SMPDL3A: variants seen among roughly 807,000 people sequenced by gnomAD.
SMPDL3A encodes cyclic GMP-AMP phosphodiesterase SMPDL3A.
In SMPDL3A, 39 loss-of-function variants were observed where a neutral mutation model predicts 38.5. The observed-to-expected ratio is 1.01, with a 90% confidence interval of 0.78 to 1.32. The LOEUF (loss-of-function observed/expected upper bound fraction) is 1.32, where lower values mean the gene tolerates loss of function less well. Ranked by LOEUF, SMPDL3A falls within the 40% of genes most tolerant of loss-of-function variation. The pLI is 0.00. For synonymous variants in SMPDL3A, 180 were observed against 194.3 expected (o/e 0.93, Z 0.61); for missense variants, 502 against 536.2 (o/e 0.94, Z 0.63).
At position 122,809,531 on chromosome 6, in the gene SMPDL3A, T is replaced by G. The variant is rs974248606; in HGVS notation, c.*123T>G. Reference sequence around the variant, plus strand: ...GTAGACTTCCTGTCTTTGCTTTCTTTTTTTTTTTCTTTTTGATGCCTTAAT... The same window carrying G: ...GTAGACTTCCTGTCTTTGCTTTCTTGTTTTTTTTCTTTTTGATGCCTTAAT... On this transcript the variant is annotated 3_prime_UTR_variant, in exon 8 of 8. Coordinates refer to ENST00000368440, the MANE Select transcript of SMPDL3A (RefSeq NM_006714.5). 2.1e-5 allele frequency: 14 copies of G among 672,062 alleles called. No homozygotes were observed. The African/African-American group carries it at 2.5e-4, about 12-fold the overall frequency. The allele number at this position is 672,062 out of a possible 1,614,324, so 41.6% of individuals were successfully genotyped here.
At chr6:122,793,800 G>C (rs1002066380) in intron 1 of SMPDL3A, among the ~76,000 whole-genome samples, 1 of 152,124 alleles carries the variant, frequency 6.6e-6, no homozygotes, top group African/African-American at 2.4e-5. Flanking sequence ...CGTATCAACT[G>C]TTTCACCTTA....
intron 3 of SMPDL3A, among the ~76,000 whole-genome samples, chr6:122,799,449 A>T (rs950877922): frequency 2.6e-5 from 4 of 152,198 alleles, no homozygotes; most frequent in South Asian, 2.1e-4. Context: ...CTCATGTTTA[A>T]AATAGAGAAG....
intron 1 of SMPDL3A, chr6:122,789,856 C>G (rs973278798): frequency 1.0e-6 from 1 of 985,258 alleles, no homozygotes; most frequent in African/African-American, 1.7e-5. Flanking sequence ...AGCAAGAGGC[C>G]CCTAATCGGT....
At position 122,792,728 on chromosome 6, in the gene SMPDL3A, G is replaced by A. The variant is rs116658120; in HGVS notation, c.113-2949G>A. ...GGCTCACTGCAGCCTCAAGCTCCCT[G>A]GCTCAAGAGATCCTTCCTAAGTTTT... On this transcript the variant is annotated intron_variant, in intron 1 of 7. Transcript: ENST00000368440. 1.1e-3 allele frequency among the ~76,000 whole-genome samples: 164 copies of A among 151,022 alleles called. 1 individual carries two copies. The highest frequency in any genetic ancestry group is 3.9e-3 in the African/African-American group (160 of 41,114).
In SMPDL3A at chr6:122,803,803, A is replaced by G; in HGVS notation, c.708A>G (p.Thr236=). 3 of 1,614,082 alleles carry G rather than the reference A, an allele frequency of 1.9e-6. No homozygotes were observed. The highest frequency in any genetic ancestry group is 1.3e-5 in the African/African-American group (1 of 75,046). ...ACCAGTTTGAATGGCTAGAAAGTAC[A>G]TTGAACAACTCTCAGCAGAATAAGG... ...PANQFEWLES[T]LNNSQQNKEK... Residue 236 remains threonine (T), a synonymous_variant, in exon 5 of 8, where the codon ACA becomes ACG. Coordinates refer to ENST00000368440, the MANE Select transcript of SMPDL3A (RefSeq NM_006714.5).
At chr6:122,799,199 C>T (rs750714809) in intron 3 of SMPDL3A, among the ~76,000 whole-genome samples, 22 of 152,098 alleles carry the variant, frequency 1.4e-4, no homozygotes, top group Non-Finnish European at 2.9e-4. Flanking sequence ...CTGTTGCCAC[C>T]CAAGGAAGGG....
rs1780981834 is a variant in SMPDL3A at position 122,789,399 on chromosome 6, G to A, written c.53G>A (p.Arg18His). The change falls in exon 1 of 8, where the codon CGC becomes CAC. Residue 18 changes from arginine (R) to histidine (H), a missense_variant. Physicochemically the swap from Arg to His is conservative, Grantham distance 29 (BLOSUM62 0). Transcript: ENST00000368440. ...TGCCTGCTGACTGCCTGGCACTGCC[G>A]CTCCGGCCTCGGGCTGCCCGTGGCG... ...VCCLLTAWHC[R>H]SGLGLPVAPA... 23 of 1,549,264 alleles carry A rather than the reference G, an allele frequency of 1.5e-5. No individual in the cohort carries two copies. Among genetic ancestry groups the A allele is most frequent in the Non-Finnish European group, 1.8e-5 (21 of 1,146,360 alleles).
At chr6:122,799,823 A>G (rs1036080552) in intron 3 of SMPDL3A, among the ~76,000 whole-genome samples, 43 of 152,208 alleles carry the variant, frequency 2.8e-4, no homozygotes, top group Non-Finnish European at 5.4e-4. Flanking sequence ...TCTCAGAAAT[A>G]GGTCTATTTT....
intron 3 of SMPDL3A, among the ~76,000 whole-genome samples, chr6:122,797,974 C>G (rs1371856321): frequency 6.6e-6 from 1 of 152,134 alleles, no homozygotes; most frequent in Non-Finnish European, 1.5e-5. Flanking sequence ...AAACCAACAT[C>G]CTTTTGCACA....
At chr6:122,795,191 G>C (rs940191518) in intron 1 of SMPDL3A, among the ~76,000 whole-genome samples, 2 of 152,060 alleles carry the variant, frequency 1.3e-5, no homozygotes, top group African/African-American at 4.8e-5. Flanking sequence ...GCCCAGGCTG[G>C]AGTACAGTGG....
At chr6:122,800,456 G>A (rs1008630060) in intron 3 of SMPDL3A, among the ~76,000 whole-genome samples, 5 of 152,162 alleles carry the variant, frequency 3.3e-5, no homozygotes, top group Non-Finnish European at 4.4e-5. Context: ...GCTGCATCGG[G>A]CAGTGCATGT....
chr6:122,809,410 A>G lies in SMPDL3A; in HGVS notation c.*2A>G. On this transcript the variant is annotated 3_prime_UTR_variant, in exon 8 of 8. Coordinates refer to ENST00000368440, the MANE Select transcript of SMPDL3A (RefSeq NM_006714.5). Reference sequence around the variant, plus strand: ...CTTTATATAAAGCACAATTACTAGTATTTCACAGTTTTTGCTAATAGAAAA... The same window carrying G: ...CTTTATATAAAGCACAATTACTAGTGTTTCACAGTTTTTGCTAATAGAAAA... 1.3e-6 allele frequency: 2 copies of G among 1,586,406 alleles called. No homozygotes were observed. The highest frequency in any genetic ancestry group is 1.3e-5 in the African/African-American group (1 of 74,208).
intron 2 of SMPDL3A, 149 bp downstream of exon 2, chr6:122,796,039 T>A: frequency 1.5e-6 from 1 of 645,296 alleles, no homozygotes; most frequent in Non-Finnish European, 2.6e-6. Context: ...ATCAACATTA[T>A]TAGAGGTAAG....
At chr6:122,798,369 T>G (rs1390388074) in intron 3 of SMPDL3A, among the ~76,000 whole-genome samples, 1 of 152,180 alleles carries the variant, frequency 6.6e-6, no homozygotes, top group African/African-American at 2.4e-5. Context: ...ATGCCTTAGG[T>G]GGCAGGAAGA....
At position 122,796,913 on chromosome 6, in the gene SMPDL3A, T is replaced by C. The variant is rs746106899; in HGVS notation, c.416T>C (p.Leu139Pro). ...AATATGACAACCACCATCCAGAGTC[T>C]CTTTCCAAATCTCCAGGTTTTCCCT... ...ITNMTTTIQS[L>P]FPNLQVFPAL... The change falls in exon 3 of 8, where the codon CTC (leucine) becomes CCC (proline). Residue 139 changes from leucine to proline, a missense_variant. By Grantham distance (98) the Leu-to-Pro change is moderately conservative (BLOSUM62 -3). Transcript: ENST00000368440. 6.2e-7 allele frequency: 1 copy of C among 1,613,462 alleles called. No individual in the cohort carries two copies. The highest frequency in any genetic ancestry group is 1.3e-5 in the African/African-American group (1 of 74,926).
intron 7 of SMPDL3A, among the ~76,000 whole-genome samples, chr6:122,806,580 G>A (rs1781630046): frequency 6.6e-6 from 1 of 152,096 alleles, no homozygotes; most frequent in South Asian, 2.1e-4. Flanking sequence ...TTCTTCTAAG[G>A]ACTTCACATT....
chr6:122,809,104 ATTAC>A lies in SMPDL3A; in HGVS notation c.1061_1064del (p.Tyr354Ter). On this transcript the variant is annotated frameshift_variant, in exon 8 of 8. Transcript: ENST00000368440. LOFTEE classifies it low-confidence loss of function (END_TRUNC). ...TCTTAACTGCAGGATATGTTGCAGT[ATTAC>A]TTGAATCTGACAGAGGCGAATCTAA... is the stretch of plus-strand genomic sequence containing the variant. 6.2e-7 allele frequency: 1 copy of A among 1,613,890 alleles called. No individual in the cohort carries two copies. The highest frequency in any genetic ancestry group is 8.5e-7 in the Non-Finnish European group (1 of 1,179,786).
At position 122,809,321 on chromosome 6, in the gene SMPDL3A, G is replaced by A; in HGVS notation, c.1275G>A (p.Lys425=). The change falls in exon 8 of 8, where the codon AAG becomes AAA. Residue 425 remains lysine (K), a synonymous_variant. Transcript: ENST00000368440. ...DSSVTCDKTC[K]AFQICAIMNL... ...GTGTAACATGTGATAAGACATGTAAGGCCTTTCAGATTTGTGCAATTATGA... is the reference window on the plus strand; with the variant it reads ...GTGTAACATGTGATAAGACATGTAAAGCCTTTCAGATTTGTGCAATTATGA... The A allele has an allele frequency of 6.2e-7, 1 of 1,613,672 alleles. No individual in the cohort carries two copies. Among genetic ancestry groups the A allele is most frequent in the Non-Finnish European group, 8.5e-7 (1 of 1,179,616 alleles).
intron 3 of SMPDL3A, among the ~76,000 whole-genome samples, chr6:122,799,424 C>G (rs182180925): frequency 6.6e-6 from 1 of 152,206 alleles, no homozygotes; most frequent in African/African-American, 2.4e-5. Flanking sequence ...TCTAACTTCT[C>G]TGGTGCTTGT....
Sources: allele counts gnomAD v4.1 joint callset (sites outside exome capture counted in the v4.1 genomes callset), GRCh38; gene constraint gnomAD v4.1.1; transcripts MANE v1.5; gene names NCBI Gene and HGNC (gene_info 2026-07-23, HGNC 2026-07-21).